NXPH2: variants seen among roughly 807,000 people sequenced by gnomAD.
NXPH2 encodes neurexophilin-2.
A neutral mutation model predicts 19.8 loss-of-function variants in NXPH2; 5 were observed. That is an observed-to-expected ratio of 0.25 (90% CI 0.13 to 0.53). The LOEUF is 0.53. NXPH2 is among the 20% of genes least tolerant of loss of function. The pLI, the probability that NXPH2 is intolerant of heterozygous loss-of-function variation, is 0.96. For synonymous variants in NXPH2, 154 were observed against 127.4 expected, an observed-to-expected ratio of 1.21 and a Z score of -1.41; for missense variants, 289 against 322.8, an observed-to-expected ratio of 0.90 and a Z score of 0.80.
At chr2:138,676,996 G>T (rs1680494105) in intron 1 of NXPH2, among the ~76,000 whole-genome samples, 2 of 152,218 alleles carry the variant, frequency 1.3e-5, no homozygotes, top group Non-Finnish European at 2.9e-5. Context: ...ACATGAATCA[G>T]CAAAGGGAGC....
chr2:138,738,447 C>A lies in NXPH2; in HGVS notation c.51+41744G>T, dbSNP rs145856456. 1.1e-3 allele frequency among the ~76,000 whole-genome samples: 164 copies of A among 152,174 alleles called. 1 individual carries two copies. The highest frequency in any genetic ancestry group is 2.0e-3 in the Non-Finnish European group (135 of 67,984). Reference sequence around the variant, plus strand: ...ATCTCCCCTTATTGTGTGCAAAAATCTTTATCTAGCCTTTAGAGATATATC... The same window carrying A: ...ATCTCCCCTTATTGTGTGCAAAAATATTTATCTAGCCTTTAGAGATATATC... On this transcript the variant is annotated intron_variant, in intron 1 of 1. Transcript: ENST00000272641.
At chr2:138,675,596 T>C (rs1680474282) in intron 1 of NXPH2, among the ~76,000 whole-genome samples, 1 of 152,148 alleles carries the variant, frequency 6.6e-6, no homozygotes, top group South Asian at 2.1e-4. Context: ...GCAGTTTATG[T>C]TGTAAGAGAA....
At chr2:138,689,945 T>A (rs150771964) in intron 1 of NXPH2, among the ~76,000 whole-genome samples, 35 of 152,250 alleles carry the variant, frequency 2.3e-4, no homozygotes, top group African/African-American at 7.9e-4. Flanking sequence ...ATGCAGGAAG[T>A]AGCTTGAGGG....
intron 1 of NXPH2, among the ~76,000 whole-genome samples, chr2:138,731,014 C>T (rs1681439836): frequency 6.6e-6 from 1 of 152,196 alleles, no homozygotes; most frequent in South Asian, 2.1e-4. Context: ...GATAGGCCTC[C>T]TCTGACTGCC....
intron 1 of NXPH2, among the ~76,000 whole-genome samples, chr2:138,764,338 G>C (rs1682061515): frequency 6.6e-6 from 1 of 152,148 alleles, no homozygotes; most frequent in Admixed American, 6.5e-5. Context: ...AGTATCACCT[G>C]GTGCTTTGGT....
intron 1 of NXPH2, among the ~76,000 whole-genome samples, chr2:138,776,035 G>A (rs567868598): frequency 3.3e-5 from 5 of 152,196 alleles, no homozygotes; most frequent in Non-Finnish European, 5.9e-5. Context: ...GTAAGAGACA[G>A]TCTAGAGCTT....
At chr2:138,749,256 C>T (rs1681789912) in intron 1 of NXPH2, among the ~76,000 whole-genome samples, 1 of 152,140 alleles carries the variant, frequency 6.6e-6, no homozygotes, top group East Asian at 1.9e-4. Flanking sequence ...CTTGCTTCCC[C>T]TTCCAACATA....
chr2:138,728,640 A>G (rs1357566130), intron 1 of NXPH2, among the ~76,000 whole-genome samples: 2 of 152,240 alleles, frequency 1.3e-5, no homozygotes, highest in Non-Finnish European at 2.9e-5. Flanking sequence ...GGCATAAATA[A>G]TGCTTATAAA....
At chr2:138,763,601 A>G (rs970815247) in intron 1 of NXPH2, among the ~76,000 whole-genome samples, 3 of 152,202 alleles carry the variant, frequency 2.0e-5, no homozygotes, top group African/African-American at 7.2e-5. Context: ...CCTAGTAGAG[A>G]AAACAGTTAA....
intron 1 of NXPH2, among the ~76,000 whole-genome samples, chr2:138,683,218 A>G (rs1680603134): frequency 6.6e-6 from 1 of 152,146 alleles, no homozygotes; most frequent in African/African-American, 2.4e-5. Flanking sequence ...GGAGTAAGTG[A>G]CTCAGCATGG....
At chr2:138,707,107 A>AAAACAAAAAAAAAAACAAAAAAAAAAC (rs1681029171) in intron 1 of NXPH2, among the ~76,000 whole-genome samples, 1 of 146,536 alleles carries the variant, frequency 6.8e-6, no homozygotes. Flanking sequence ...AAAAAAAAAA[A>AAAACAAAAAAAAAAACAAAAAAAAAAC]AAAAAGAGCA....
intron 1 of NXPH2, among the ~76,000 whole-genome samples, chr2:138,762,153 CTGATA>C (rs1682027259): frequency 6.6e-6 from 1 of 152,174 alleles, no homozygotes; most frequent in African/African-American, 2.4e-5. Flanking sequence ...TAGCTTGTCC[CTGATA>C]TATCTGGAGA....
intron 1 of NXPH2, among the ~76,000 whole-genome samples, chr2:138,737,580 T>A (rs139309802): frequency 0.021 from 3,171 of 152,248 alleles, 50 homozygotes; most frequent in Non-Finnish European, 0.033. Context: ...CTTCCTCATG[T>A]CTCCAGTACC....
At chr2:138,774,687 ACACT>A (rs1308598227) in intron 1 of NXPH2, among the ~76,000 whole-genome samples, 1 of 152,212 alleles carries the variant, frequency 6.6e-6, no homozygotes, top group Non-Finnish European at 1.5e-5. Context: ...ACATACACAC[ACACT>A]CACACCCTTG....
intron 1 of NXPH2, among the ~76,000 whole-genome samples, chr2:138,679,400 ATTT>A (rs34158790): frequency 2.9e-5 from 4 of 139,966 alleles, no homozygotes; most frequent in Non-Finnish European, 3.1e-5. Context: ...AGAGGCCTGA[ATTT>A]TTTTTTTTTT....
intron 1 of NXPH2, among the ~76,000 whole-genome samples, chr2:138,732,164 T>A (rs578019311): frequency 2.6e-5 from 4 of 152,194 alleles, no homozygotes; most frequent in Admixed American, 1.3e-4. Context: ...ATGGACAACA[T>A]TGCTTTGCAA....
chr2:138,730,120 A>T (rs1172235455), intron 1 of NXPH2, among the ~76,000 whole-genome samples: 1 of 152,098 alleles, frequency 6.6e-6, no homozygotes, highest in Non-Finnish European at 1.5e-5. Flanking sequence ...TCTTACAAGA[A>T]CACTAGTCAT....
At chr2:138,763,775 T>C (rs1470336685) in intron 1 of NXPH2, among the ~76,000 whole-genome samples, 3 of 152,144 alleles carry the variant, frequency 2.0e-5, no homozygotes, top group African/African-American at 7.2e-5. Context: ...TTGAAGGAAA[T>C]CAGTGACACT....
intron 1 of NXPH2, among the ~76,000 whole-genome samples, chr2:138,751,666 T>C (rs16841114): frequency 0.2 from 29,678 of 152,130 alleles, 3,644 homozygotes; most frequent in Admixed American, 0.33. Context: ...CATATTTCCT[T>C]ATTTTTCTTG....
Sources: allele counts gnomAD v4.1 joint callset (sites outside exome capture counted in the v4.1 genomes callset), GRCh38; gene constraint gnomAD v4.1.1; transcripts MANE v1.5; gene names NCBI Gene and HGNC (gene_info 2026-07-23, HGNC 2026-07-21).